The following SKI variants were observed in gnomAD, a reference collection of about 807,000 sequenced individuals.
SKI encodes the protein ski oncogene.
In SKI, 23 loss-of-function variants were observed where a neutral mutation model predicts 59.3. The ratio of observed to expected loss-of-function variants is 0.39; its 90% confidence interval spans 0.28 to 0.55. SKI has a LOEUF of 0.55. Ranked by LOEUF, SKI falls within the 20% of genes least tolerant of loss-of-function variation. The pLI is 0.67. For missense variants in SKI, 1,017 were observed against 1,038.9 expected (o/e 0.98, Z 0.29); for synonymous variants, 673 against 488.6 (o/e 1.38, Z -4.98).
chr1:2,288,477 G>T (rs761237049), intron 1 of SKI, among the ~76,000 whole-genome samples: 3 of 152,248 alleles, frequency 2.0e-5, no homozygotes, highest in Non-Finnish European at 4.4e-5. Flanking sequence ...TTATTTTGAG[G>T]TTAGGAGTGA....
chr1:2,257,317 G>A (rs1208592657), intron 1 of SKI, among the ~76,000 whole-genome samples: 1 of 152,266 alleles, frequency 6.6e-6, no homozygotes, highest in Non-Finnish European at 1.5e-5. Context: ...ATCTGGTCAC[G>A]TCAAGGCTGA....
chr1:2,261,671 T>C (rs1174512147), intron 1 of SKI, among the ~76,000 whole-genome samples: 1 of 152,212 alleles, frequency 6.6e-6, no homozygotes, highest in Non-Finnish European at 1.5e-5. Context: ...GTGTAGATGA[T>C]CATGTCGTCT....
At position 2,306,728 on chromosome 1, in the gene SKI, C is replaced by G. The variant is rs1234163223; in HGVS notation, c.2150C>G (p.Ala717Gly). The G allele has an allele frequency of 2.0e-6, 3 of 1,532,546 alleles. No individual in the cohort carries two copies. Among genetic ancestry groups the G allele is most frequent in the East Asian group, 2.5e-5 (1 of 39,632 alleles). The allele number at this position is 1,532,546 out of a possible 1,614,324, so 94.9% of individuals were successfully genotyped here. ...EQLWPRARPE[A>G]AGSEGAAELE... is the part of the protein sequence containing the mutation. Reference sequence around the variant, plus strand: ...CTGTGGCCGCGGGCCCGCCCCGAGGCTGCGGGCAGCGAGGGCGCTGCGGAG... The same window carrying G: ...CTGTGGCCGCGGGCCCGCCCCGAGGGTGCGGGCAGCGAGGGCGCTGCGGAG... Residue 717 changes from alanine to glycine, a missense_variant, in exon 7 of 7, where the codon GCT (alanine) becomes GGT (glycine). Transcript: ENST00000378536.
At chr1:2,305,958 T>A in intron 5 of SKI, 62 bp from the exon 6 acceptor site, 1 of 1,274,802 alleles carries the variant, frequency 7.8e-7, no homozygotes, top group Admixed American at 2.0e-5. Context: ...GGACTGCTGG[T>A]CATGGTGAGG....
intron 1 of SKI, among the ~76,000 whole-genome samples, chr1:2,297,701 C>T (rs12562729): frequency 0.087 from 13,289 of 152,352 alleles, 818 homozygotes; most frequent in East Asian, 0.28. Context: ...GCAGCATCTG[C>T]GTCTGCAGGA....
intron 1 of SKI, among the ~76,000 whole-genome samples, chr1:2,251,040 C>T (rs1462617141): frequency 1.3e-5 from 2 of 152,208 alleles, no homozygotes; most frequent in Admixed American, 6.5e-5. Flanking sequence ...GGACTTTATC[C>T]GGGTGGGCCA....
chr1:2,272,158 C>T (rs1255657301), intron 1 of SKI, among the ~76,000 whole-genome samples: 1 of 152,354 alleles, frequency 6.6e-6, no homozygotes, highest in Admixed American at 6.5e-5. Context: ...TACGTTCTCA[C>T]GACCTCTTGC....
chr1:2,296,747 TG>T (rs1640296410), intron 1 of SKI, among the ~76,000 whole-genome samples: 1 of 152,154 alleles, frequency 6.6e-6, no homozygotes, highest in Non-Finnish European at 1.5e-5. Flanking sequence ...GAAGCCTTGT[TG>T]TTGTGTTTTC....
intron 1 of SKI, among the ~76,000 whole-genome samples, chr1:2,233,604 C>G (rs1040664504): frequency 2.6e-5 from 4 of 152,080 alleles, no homozygotes; most frequent in African/African-American, 9.7e-5. Flanking sequence ...TTTCTGATCC[C>G]TCATGCTGGC....
At chr1:2,257,976 G>A (rs895060903) in intron 1 of SKI, among the ~76,000 whole-genome samples, 1 of 152,152 alleles carries the variant, frequency 6.6e-6, no homozygotes, top group Non-Finnish European at 1.5e-5. Flanking sequence ...GACCTCAGGT[G>A]ATCTGCCCGC....
At chr1:2,248,391 C>T (rs775020214) in intron 1 of SKI, among the ~76,000 whole-genome samples, 1 of 152,228 alleles carries the variant, frequency 6.6e-6, no homozygotes, top group Non-Finnish European at 1.5e-5. Context: ...GCTCTTTTGT[C>T]CGGCTTTGTC....
intron 1 of SKI, among the ~76,000 whole-genome samples, chr1:2,266,246 A>C (rs1157073466): frequency 1.3e-5 from 2 of 152,104 alleles, no homozygotes; most frequent in Admixed American, 6.5e-5. Context: ...TGTTGTCTCT[A>C]AATCTTTGTG....
intron 1 of SKI, among the ~76,000 whole-genome samples, chr1:2,230,749 C>CTTATTA (rs1433375879): frequency 5.9e-5 from 9 of 152,190 alleles, no homozygotes; most frequent in Non-Finnish European, 1.5e-5. Context: ...TATTAAATTG[C>CTTATTA]ACACACAGAA....
Position 2,268,478 on chromosome 1 carries a change from G to A in SKI, c.970-34500G>A, listed in dbSNP as rs1213972813. On this transcript the variant is annotated intron_variant, in intron 1 of 6. Coordinates refer to ENST00000378536, the MANE Select transcript of SKI (RefSeq NM_003036.4). This position sits in a 1 kb window ranked among gnomAD's most constrained non-coding sequence, Gnocchi z 5.0. ...GAGTCAGGTGCCCGGGGGCTCATAA[G>A]CCACCTTGGGGTATGTCTGGGTGCA... 6.6e-6 allele frequency among the ~76,000 whole-genome samples: 1 copy of A among 152,166 alleles called. No homozygotes were observed. The highest frequency in any genetic ancestry group is 1.9e-4 in the East Asian group (1 of 5,186).
chr1:2,256,282 T>C (rs903284350), intron 1 of SKI, among the ~76,000 whole-genome samples: 3 of 152,042 alleles, frequency 2.0e-5, no homozygotes, highest in Non-Finnish European at 4.4e-5. Flanking sequence ...TCTGTGTCCT[T>C]ACCTCATTTC....
At chr1:2,240,365 C>A in intron 1 of SKI, 1 of 478,416 alleles carries the variant, frequency 2.1e-6, no homozygotes, top group Non-Finnish European at 2.7e-6. Context: ...CTAGCAGCCT[C>A]AAGAAATGTG....
chr1:2,273,081 C>T (rs1639663877), intron 1 of SKI, among the ~76,000 whole-genome samples: 1 of 152,262 alleles, frequency 6.6e-6, no homozygotes, highest in East Asian at 1.9e-4. Flanking sequence ...CACGGCTCTT[C>T]CTGAGATGGC....
At chr1:2,272,354 T>C (rs1196238366) in intron 1 of SKI, among the ~76,000 whole-genome samples, 1 of 152,254 alleles carries the variant, frequency 6.6e-6, no homozygotes, top group Non-Finnish European at 1.5e-5. Flanking sequence ...CCAGAGGTGT[T>C]GAGACCGTGC....
chr1:2,232,246 T>C (rs1638654683), intron 1 of SKI, among the ~76,000 whole-genome samples: 1 of 152,248 alleles, frequency 6.6e-6, no homozygotes, highest in South Asian at 2.1e-4. Context: ...ACTGGAACTC[T>C]CTTTGCAGGG....
Sources: gnomAD v4.1 joint callset for allele counts (sites outside exome capture counted in the v4.1 genomes callset) on GRCh38, gnomAD v4.1.1 for gene constraint, Gnocchi (gnomAD v3.1) non-coding constraint, MANE v1.5 for transcripts, NCBI Gene and HGNC (gene_info 2026-07-23, HGNC 2026-07-21) for gene names.